ZNF91: variants seen among roughly 807,000 people sequenced by gnomAD.
The protein encoded by ZNF91 is zinc finger protein 91, also known as zinc finger protein 91 (HPF7, HTF10).
A neutral mutation model predicts 12.6 loss-of-function variants in ZNF91; 7 were observed. The observed-to-expected ratio is 0.55, with a 90% CI of 0.31 to 1.04. ZNF91 has a LOEUF of 1.04. Among genes scored for constraint, ZNF91 ranks in the 50% least tolerant of loss-of-function variants. The pLI is 0.05. For synonymous variants in ZNF91, 453 were observed against 462.6 expected (o/e 0.98, Z 0.27); for missense variants, 1,217 against 1,385.4 (o/e 0.88, Z 1.93).
intron 2 of ZNF91, 134 bp from the exon 3 acceptor site, chr19:23,373,971 G>A (rs1392894753): frequency 1.6e-5 from 7 of 448,304 alleles, no homozygotes; most frequent in Admixed American, 9.0e-5. Flanking sequence ...TAACAGAAAT[G>A]TTTAAATATT....
At chr19:23,323,773 CCTTCT>C (rs1294280796) in intron 1 of ZNF91, among the ~76,000 whole-genome samples, 7 of 149,888 alleles carry the variant, frequency 4.7e-5, no homozygotes, top group African/African-American at 1.7e-4. Context: ...TTCGTCTCCT[CCTTCT>C]CTTTCTTCTT....
At chr19:23,311,239 C>T (rs574132679), upstream of ZNF91, among the ~76,000 whole-genome samples, 1 of 152,236 alleles carries the variant, frequency 6.6e-6, no homozygotes, top group Admixed American at 6.5e-5. Flanking sequence ...TGGACTCTGA[C>T]CAATAAGGAA....
Position 23,362,561 on chromosome 19 carries a change from T to C in ZNF91, c.418A>G (p.Asn140Asp), listed in dbSNP as rs368288678. ...GTTGTGAGACACTGGTTAAGTTTAT[T>C]ATAACCTTCTTTGTGCACCTTACAC... ...DECKVHKEGY[N>D]KLNQCLTTAQ... Residue 140 changes from asparagine (N) to aspartate (D), a missense_variant, in exon 4 of 4, where the codon AAT becomes GAT. Physicochemically the swap from Asn to Asp is conservative, Grantham distance 23. Coordinates refer to ENST00000300619, the MANE Select transcript of ZNF91 (RefSeq NM_003430.4). 15 of 1,601,778 alleles carry C rather than the reference T, an allele frequency of 9.4e-6. No individual in the cohort carries two copies. The African/African-American group carries it at 1.5e-4, about 16-fold the overall frequency.
At chr19:23,336,765 T>G (rs1365685572), downstream of ZNF91, among the ~76,000 whole-genome samples, 3 of 152,192 alleles carry the variant, frequency 2.0e-5, no homozygotes, top group Admixed American at 6.5e-5. Context: ...AATTATTTAT[T>G]TATTTATTCA....
intron 2 of ZNF91, 81 bp from the exon 3 acceptor site, chr19:23,373,918 T>C: frequency 1.3e-6 from 1 of 779,794 alleles, no homozygotes; most frequent in Non-Finnish European, 1.9e-6. Context: ...GTAAAGAGCA[T>C]ATAATAGAAT....
intron 1 of ZNF91, among the ~76,000 whole-genome samples, chr19:23,382,935 A>G (rs981316952): frequency 2.0e-5 from 3 of 152,148 alleles, no homozygotes; most frequent in Non-Finnish European, 4.4e-5. Context: ...AAGTGCTGGT[A>G]TTATTTCTAC....
chr19:23,346,623 A>G (rs1183751802), intron 3 of ZNF91, among the ~76,000 whole-genome samples: 13 of 152,078 alleles, frequency 8.5e-5, no homozygotes, highest in Non-Finnish European at 1.5e-5. Flanking sequence ...ATACCGATGA[A>G]TGGTGTGGAG....
chr19:23,365,277 T>A (rs1252820202), intron 3 of ZNF91, among the ~76,000 whole-genome samples: 2 of 147,614 alleles, frequency 1.4e-5, no homozygotes, highest in African/African-American at 2.6e-5. Flanking sequence ...AGCGTGTTCA[T>A]CACCACTAGC....
chr19:23,368,592 C>A (rs1269930176), intron 3 of ZNF91, among the ~76,000 whole-genome samples: 1 of 146,104 alleles, frequency 6.8e-6, no homozygotes, highest in Non-Finnish European at 1.5e-5. Context: ...TGACATTAGT[C>A]TTGGTGCCAA....
intron 3 of ZNF91, among the ~76,000 whole-genome samples, chr19:23,345,235 T>C (rs1004783705): frequency 6.6e-6 from 1 of 152,158 alleles, no homozygotes; most frequent in African/African-American, 2.4e-5. Context: ...CTGTTCTCTC[T>C]AGCCTAACCT....
At chr19:23,329,567 T>C (rs753627370) in intron 1 of ZNF91, among the ~76,000 whole-genome samples, 1 of 152,222 alleles carries the variant, frequency 6.6e-6, no homozygotes, top group African/African-American at 2.4e-5. Context: ...TGCTAAGATC[T>C]TCACTAGCTC....
chr19:23,377,360 G>A (rs1396886120), intron 1 of ZNF91, among the ~76,000 whole-genome samples: 1 of 152,206 alleles, frequency 6.6e-6, no homozygotes, highest in Non-Finnish European at 1.5e-5. Context: ...GCACAAGAGA[G>A]TTCTGTGAAT....
At chr19:23,349,471 C>T (rs368277961) in intron 3 of ZNF91, among the ~76,000 whole-genome samples, 18 of 152,310 alleles carry the variant, frequency 1.2e-4, no homozygotes, top group African/African-American at 4.1e-4. Context: ...GGCCTCTACC[C>T]TTCCCAGATT....
chr19:23,306,719 C>T (rs941382355), intron 3 of ZNF91: 2 of 151,796 alleles, frequency 1.3e-5, no homozygotes, highest in Admixed American at 6.6e-5. Context: ...CTTCTCTTCG[C>T]TGTTCCCTTC....
At chr19:23,393,701 C>CA (rs60949145) in intron 1 of ZNF91, among the ~76,000 whole-genome samples, 13,283 of 150,310 alleles carry the variant, frequency 0.088, 782 homozygotes, top group African/African-American at 0.15. Context: ...AATGCTTTGT[C>CA]AAAAAAAAAA....
chr19:23,368,967 T>C (rs1745812996), intron 3 of ZNF91, among the ~76,000 whole-genome samples: 1 of 152,094 alleles, frequency 6.6e-6, no homozygotes, highest in Non-Finnish European at 1.5e-5. Flanking sequence ...CCCACTTAAA[T>C]GGTCACTATC....
chr19:23,368,239 C>T (rs1434431101), intron 3 of ZNF91, among the ~76,000 whole-genome samples: 1 of 151,990 alleles, frequency 6.6e-6, no homozygotes, highest in Non-Finnish European at 1.5e-5. Flanking sequence ...AGGCAGGGCA[C>T]TGTGGCTCAT....
chr19:23,357,044 C>T (rs1480568456), downstream of ZNF91, among the ~76,000 whole-genome samples: 3 of 152,056 alleles, frequency 2.0e-5, no homozygotes, highest in African/African-American at 4.8e-5. Context: ...CTGACCAAAA[C>T]GGTGAAACCC....
chr19:23,331,233 G>C (rs918007913), intron 1 of ZNF91, among the ~76,000 whole-genome samples: 47 of 152,080 alleles, frequency 3.1e-4, no homozygotes, highest in African/African-American at 1.1e-3. Context: ...ATTGTGGTAA[G>C]ACTAAGTGAA....
Sources: gnomAD v4.1 joint callset for allele counts (sites outside exome capture counted in the v4.1 genomes callset) on GRCh38, gnomAD v4.1.1 for gene constraint, MANE v1.5 for transcripts, NCBI Gene and HGNC (gene_info 2026-07-23, HGNC 2026-07-21) for gene names.